SUPT20H: variants seen among roughly 807,000 people sequenced by gnomAD.
The protein encoded by SUPT20H is transcription factor SPT20 homolog.
SUPT20H carries 82 observed loss-of-function variants against 122.8 expected under a neutral mutation model. The observed-to-expected ratio is 0.67, with a 90% CI of 0.56 to 0.80. SUPT20H has a LOEUF of 0.80. Among genes scored for constraint, SUPT20H ranks in the 30% least tolerant of loss-of-function variants. The pLI is 0.00. For missense variants in SUPT20H, 831 were observed against 921.6 expected (o/e 0.90, Z 1.27); for synonymous variants, 291 against 313.0 (o/e 0.93, Z 0.74).
intron 7 of SUPT20H, among the ~76,000 whole-genome samples, chr13:37,042,699 A>C (rs772515550): frequency 6.6e-6 from 1 of 152,220 alleles, no homozygotes; most frequent in Non-Finnish European, 1.5e-5. Context: ...CAGCCTCTGC[A>C]GAACGATGTC....
chr13:37,040,048 G>A (rs75438442), intron 9 of SUPT20H: 5,957 of 165,026 alleles, frequency 0.036, 144 homozygotes, highest in Middle Eastern at 0.084. Context: ...AAGAAAGATA[G>A]GCTAGGCTAG....
intron 24 of SUPT20H, 111 bp from the exon 25 acceptor site, chr13:37,010,766 A>C: frequency 1.4e-6 from 1 of 699,092 alleles, no homozygotes; most frequent in Non-Finnish European, 2.4e-6. Flanking sequence ...AGTATGATTA[A>C]TCTTAAGTAT....
At chr13:37,055,099 T>G (rs1466486952) in intron 1 of SUPT20H, among the ~76,000 whole-genome samples, 1 of 152,138 alleles carries the variant, frequency 6.6e-6, no homozygotes, top group Admixed American at 6.5e-5. Flanking sequence ...TACAAACCAC[T>G]GCTCAAGGAA....
chr13:37,011,092 AC>A (rs1462677221), intron 24 of SUPT20H, among the ~76,000 whole-genome samples: 2 of 152,238 alleles, frequency 1.3e-5, no homozygotes, highest in African/African-American at 2.4e-5. Context: ...AGACTACTCT[AC>A]TAACAATAAA....
chr13:37,026,284 T>A, intron 15 of SUPT20H, 48 bp from the exon 16 acceptor site: 1 of 1,323,898 alleles, frequency 7.6e-7, no homozygotes, highest in African/African-American at 1.5e-5. Context: ...TAGGTAAGAG[T>A]TGTCTTAAGA....
At chr13:37,023,657 C>G (rs2061727854) in intron 19 of SUPT20H, 1 of 156,496 alleles carries the variant, frequency 6.4e-6, no homozygotes, top group African/African-American at 2.4e-5. Context: ...ACTCTTATGA[C>G]ATTTTTTTCA....
intron 2 of SUPT20H, among the ~76,000 whole-genome samples, 171 bp from the exon 3 acceptor site, chr13:37,048,770 T>A (rs1363446297): frequency 6.6e-6 from 1 of 151,968 alleles, no homozygotes. Context: ...AAAATATGAG[T>A]CTTGGGCACC....
chr13:37,025,002 C>T (rs1262835861), intron 17 of SUPT20H: 11 of 298,228 alleles, frequency 3.7e-5, no homozygotes, highest in African/African-American at 1.1e-4. Context: ...AGTGCAGTGG[C>T]GCTATCTCGG....
In SUPT20H at chr13:37,047,944, A is replaced by C; in HGVS notation, c.40-8T>G. 2.5e-6 allele frequency: 4 copies of C among 1,598,204 alleles called. No individual in the cohort carries two copies. Among genetic ancestry groups the C allele is most frequent in the Non-Finnish European group, 3.4e-6 (4 of 1,172,256 alleles). On this transcript the variant is annotated splice_region_variant and splice_polypyrimidine_tract_variant and intron_variant, in intron 3 of 25. Transcript: ENST00000350612. Reference sequence around the variant, plus strand: ...GGCACTTTCAATGACATACTAAAAAACAAAAGTTTATGAGAACAGCTTGCT... The same window carrying C: ...GGCACTTTCAATGACATACTAAAAACCAAAAGTTTATGAGAACAGCTTGCT...
intron 14 of SUPT20H, among the ~76,000 whole-genome samples, chr13:37,027,742 T>A (rs1404634922): frequency 1.3e-5 from 2 of 152,126 alleles, no homozygotes; most frequent in Non-Finnish European, 2.9e-5. Context: ...ACAATAAGCA[T>A]TGAGTCTGTG....
chr13:37,040,410 T>C lies in SUPT20H; in HGVS notation c.562A>G (p.Thr188Ala). The change falls in exon 9 of 26, where the codon ACC (threonine) becomes GCC (alanine). Residue 188 changes from threonine to alanine, a missense_variant. Transcript: ENST00000350612. The stretch of plus-strand genomic sequence containing the variant: ...TAAAAAACAAAACAACTAACCTGGG[T>C]CCATTTGTGGTTATCACTTGTTATT... Reference protein sequence around the residue: ...HSITSDNHKWTQEDKLLLESQ... With the variant: ...HSITSDNHKWAQEDKLLLESQ... 6.4e-7 allele frequency: 1 copy of C among 1,569,140 alleles called. No individual in the cohort carries two copies. Among genetic ancestry groups the C allele is most frequent in the Non-Finnish European group, 8.6e-7 (1 of 1,166,366 alleles).
intron 10 of SUPT20H, among the ~76,000 whole-genome samples, chr13:37,032,642 C>T (rs547029361): frequency 1.8e-4 from 28 of 152,220 alleles, no homozygotes; most frequent in South Asian, 6.2e-4. Context: ...TTCAAAACTC[C>T]AAGGGGACCT....
intron 1 of SUPT20H, 185 bp downstream of exon 1, chr13:37,059,373 AT>A (rs2070102033): frequency 6.6e-6 from 1 of 152,138 alleles, no homozygotes; most frequent in Non-Finnish European, 1.5e-5. Flanking sequence ...GCGAAAGGCG[AT>A]GTAGGCGTCC....
chr13:37,054,714 G>A (rs1044352663), intron 1 of SUPT20H, among the ~76,000 whole-genome samples: 5 of 152,146 alleles, frequency 3.3e-5, no homozygotes, highest in Admixed American at 1.3e-4. Context: ...CACAAGACAG[G>A]GATGACCTCT....
chr13:37,030,080 T>C (rs899734147), intron 12 of SUPT20H, among the ~76,000 whole-genome samples: 1 of 152,242 alleles, frequency 6.6e-6, no homozygotes, highest in African/African-American at 2.4e-5. Flanking sequence ...ACACAGCTGC[T>C]TTTCTAGACA....
intron 7 of SUPT20H, among the ~76,000 whole-genome samples, chr13:37,041,990 G>A (rs991987778): frequency 7.2e-5 from 11 of 152,162 alleles, no homozygotes; most frequent in Non-Finnish European, 1.5e-4. Context: ...TCCAGACAGA[G>A]GGAATAACAT....
Position 37,024,111 on chromosome 13 carries a change from A to T in SUPT20H, c.1515T>A (p.Pro505=). 1 of 1,613,914 alleles carries T rather than the reference A, an allele frequency of 6.2e-7. No individual in the cohort carries two copies. Among genetic ancestry groups the T allele is most frequent in the Non-Finnish European group, 8.5e-7 (1 of 1,179,846 alleles). ...PPPSSKPSSI[P]RKSSVDLNQV... Reference sequence around the variant, plus strand: ...GATTGAGATCCACAGATGATTTCCGAGGAATACTTGATGGCTTAGAAGAAG... The same window carrying T: ...GATTGAGATCCACAGATGATTTCCGTGGAATACTTGATGGCTTAGAAGAAG... Residue 505 remains proline (P), a synonymous_variant, in exon 19 of 26, where the codon CCT becomes CCA. Coordinates refer to ENST00000350612, the MANE Select transcript of SUPT20H (RefSeq NM_001014286.3).
intron 23 of SUPT20H, chr13:37,013,930 CA>C (rs2060007778): frequency 6.6e-6 from 1 of 151,908 alleles, no homozygotes; most frequent in Non-Finnish European, 1.5e-5. Context: ...ACTCAAAATG[CA>C]AAAAAACTAC....
chr13:37,011,511 A>C (rs922011587), intron 24 of SUPT20H, among the ~76,000 whole-genome samples: 1 of 152,202 alleles, frequency 6.6e-6, no homozygotes, highest in Admixed American at 6.5e-5. Context: ...ACAGTCACTC[A>C]TTCAATCCTC....
Sources: gnomAD v4.1 joint callset for allele counts (sites outside exome capture counted in the v4.1 genomes callset) on GRCh38, gnomAD v4.1.1 for gene constraint, MANE v1.5 for transcripts, NCBI Gene and HGNC (gene_info 2026-07-23, HGNC 2026-07-21) for gene names.